Variants in CSMD2 observed in about 807,000 individuals in gnomAD.
The protein encoded by CSMD2 is CUB and sushi domain-containing protein 2.
CSMD2 carries 130 observed loss-of-function variants against 398.5 expected under a neutral mutation model. That is an observed-to-expected ratio of 0.33 (90% CI 0.28 to 0.38). CSMD2 has a LOEUF of 0.38. CSMD2 is among the 10% of genes least tolerant of loss of function. The pLI is 1.00. For missense variants in CSMD2, 3,829 were observed against 4,764.9 expected, an observed-to-expected ratio of 0.80 and a Z score of 5.78; for synonymous variants, 1,828 against 1,908.5, an observed-to-expected ratio of 0.96 and a Z score of 1.10.
At position 33,579,679 on chromosome 1, in the gene CSMD2, T is replaced by A. The variant is rs372173245; in HGVS notation, c.7387+1074A>T. 7.6e-4 allele frequency among the ~76,000 whole-genome samples: 114 copies of A among 150,180 alleles called. 1 individual carries two copies. The highest frequency in any genetic ancestry group is 2.5e-3 in the African/African-American group (100 of 40,438). ...CCTTCCAACCAAGATTCTTTTTTTT[T>A]AATTTTTTTTTTTTTTGAGACAGAG... On this transcript the variant is annotated intron_variant, in intron 48 of 70. Coordinates refer to ENST00000373381, the MANE Select transcript of CSMD2 (RefSeq NM_001281956.2).
At chr1:33,862,418 T>A (rs1244893651) in intron 5 of CSMD2, 1 of 143,986 alleles carries the variant, frequency 6.9e-6, no homozygotes, top group Non-Finnish European at 1.5e-5. Flanking sequence ...CAGAGTCTGA[T>A]GAATATGTGG....
At chr1:33,983,857 G>C (rs1187767935) in intron 3 of CSMD2, among the ~76,000 whole-genome samples, 3 of 152,116 alleles carry the variant, frequency 2.0e-5, no homozygotes, top group Non-Finnish European at 4.4e-5. Flanking sequence ...GGGGTGTTAT[G>C]AAAAATGGAC....
chr1:33,606,707 C>G (rs575430604), intron 41 of CSMD2, among the ~76,000 whole-genome samples: 33 of 152,228 alleles, frequency 2.2e-4, no homozygotes, highest in African/African-American at 6.7e-4. Flanking sequence ...GACTCAGAGA[C>G]GGGGAGAGAA....
chr1:33,907,623 C>T (rs1643183239), intron 5 of CSMD2, among the ~76,000 whole-genome samples: 1 of 152,124 alleles, frequency 6.6e-6, no homozygotes, highest in Non-Finnish European at 1.5e-5. Flanking sequence ...TCATTTTGTT[C>T]AAAGAAACTC....
intron 64 of CSMD2, among the ~76,000 whole-genome samples, chr1:33,527,982 C>T (rs1405774678): frequency 6.7e-6 from 1 of 150,302 alleles, no homozygotes; most frequent in Non-Finnish European, 1.5e-5. Context: ...CTCGACTTTG[C>T]TTTTCTTCCA....
intron 3 of CSMD2, among the ~76,000 whole-genome samples, chr1:33,937,632 G>A (rs1446819090): frequency 6.6e-6 from 1 of 152,192 alleles, no homozygotes; most frequent in East Asian, 1.9e-4. Flanking sequence ...CCTCCTCTGA[G>A]AGGAAACAGC....
At chr1:33,689,071 AGAAGGAGG>A (rs1391966935) in intron 25 of CSMD2, among the ~76,000 whole-genome samples, 3 of 143,008 alleles carry the variant, frequency 2.1e-5, no homozygotes, top group Middle Eastern at 3.5e-3. Flanking sequence ...GGAGTGGGAA[AGAAGGAGG>A]GAAGGAGAGG....
chr1:34,050,855 A>G (rs1653090014), intron 2 of CSMD2, among the ~76,000 whole-genome samples: 1 of 151,472 alleles, frequency 6.6e-6, no homozygotes, highest in African/African-American at 2.4e-5. Flanking sequence ...TGAGCTGAAA[A>G]TTAATGCTAT....
At chr1:33,897,499 C>T (rs185620452) in intron 5 of CSMD2, among the ~76,000 whole-genome samples, 1 of 152,362 alleles carries the variant, frequency 6.6e-6, no homozygotes, top group East Asian at 1.9e-4. Flanking sequence ...CAAGCTGCTG[C>T]TGCTGTCTTT....
chr1:33,932,036 G>A (rs757321970), intron 4 of CSMD2, among the ~76,000 whole-genome samples: 50 of 152,158 alleles, frequency 3.3e-4, no homozygotes, highest in Non-Finnish European at 5.3e-4. Flanking sequence ...CCGATGATGC[G>A]ATGTGAACAG....
chr1:33,540,450 G>T, intron 60 of CSMD2, 75 bp downstream of exon 60: 1 of 1,524,018 alleles, frequency 6.6e-7, no homozygotes, highest in Non-Finnish European at 9.0e-7. Flanking sequence ...GGGCCTTCCA[G>T]CCACAAAGCT....
At chr1:33,735,835 GA>G (rs898955498) in intron 15 of CSMD2, among the ~76,000 whole-genome samples, 3 of 151,630 alleles carry the variant, frequency 2.0e-5, no homozygotes, top group South Asian at 2.1e-4. Context: ...AACAAAACTA[GA>G]AAAAAAACGG....
chr1:33,819,895 A>C, intron 8 of CSMD2, 58 bp from the exon 9 acceptor site: 2 of 1,601,562 alleles, frequency 1.2e-6, no homozygotes, highest in South Asian at 1.1e-5. Context: ...CCCCGCCCCA[A>C]GTCCTTCCTG....
intron 66 of CSMD2, 115 bp from the exon 67 acceptor site, chr1:33,523,534 A>G (rs771970521): frequency 3.2e-6 from 2 of 627,186 alleles, no homozygotes; most frequent in Non-Finnish European, 5.8e-6. Flanking sequence ...AGATGTTGAT[A>G]TAAACATTCT....
chr1:33,643,304 T>C lies in CSMD2; in HGVS notation c.4774+3344A>G, dbSNP rs568696630. ...CATACGTCTATCACAAATATTCATGTTATAAATATCCCACACTTATTACAT... is the reference window on the plus strand; with the variant it reads ...CATACGTCTATCACAAATATTCATGCTATAAATATCCCACACTTATTACAT... On this transcript the variant is annotated intron_variant, in intron 29 of 70. Coordinates refer to ENST00000373381, the MANE Select transcript of CSMD2 (RefSeq NM_001281956.2). Among the ~76,000 whole-genome samples, 9 of 152,348 alleles carry C rather than the reference T, an allele frequency of 5.9e-5. 1 individual carries two copies. The South Asian group carries it at 1.9e-3, about 32-fold the overall frequency.
chr1:34,017,584 C>A (rs1001584681), intron 3 of CSMD2, among the ~76,000 whole-genome samples: 1 of 152,126 alleles, frequency 6.6e-6, no homozygotes, highest in East Asian at 1.9e-4. Context: ...TAGCAAGATA[C>A]CATCTCTACA....
At chr1:34,022,240 GC>G (rs1648995953) in intron 3 of CSMD2, among the ~76,000 whole-genome samples, 2 of 152,294 alleles carry the variant, frequency 1.3e-5, no homozygotes, top group South Asian at 4.2e-4. Flanking sequence ...TTTATTCTAT[GC>G]CAGGCATTAT....
intron 57 of CSMD2, among the ~76,000 whole-genome samples, chr1:33,544,200 G>A (rs1845395): frequency 0.36 from 53,856 of 148,172 alleles, 9,896 homozygotes; most frequent in Middle Eastern, 0.47. Context: ...TCCGCCTCCC[G>A]GGTTCATGCC....
intron 4 of CSMD2, among the ~76,000 whole-genome samples, chr1:33,923,818 T>TA (rs1408544347): frequency 6.6e-6 from 1 of 151,966 alleles, no homozygotes; most frequent in Admixed American, 6.5e-5. Flanking sequence ...AGGAGGTGAG[T>TA]GTTGAGCAAG....
Sources: gnomAD v4.1 joint callset for allele counts (sites outside exome capture counted in the v4.1 genomes callset) on GRCh38, gnomAD v4.1.1 for gene constraint, MANE v1.5 for transcripts, NCBI Gene and HGNC (gene_info 2026-07-23, HGNC 2026-07-21) for gene names.